STK32C: variants seen among roughly 807,000 people sequenced by gnomAD.
STK32C encodes the protein serine/threonine-protein kinase 32C.
In STK32C, 31 loss-of-function variants were observed where a neutral mutation model predicts 56.5. The ratio of observed to expected loss-of-function variants is 0.55; its 90% confidence interval spans 0.41 to 0.74. The LOEUF is 0.74. Among genes scored for constraint, STK32C ranks in the 30% least tolerant of loss-of-function variants. The pLI is 0.00. For synonymous variants in STK32C, 309 were observed against 289.4 expected (o/e 1.07, Z -0.69); for missense variants, 544 against 676.9 (o/e 0.80, Z 2.18).
chr10:132,316,532 TC>T (rs2066313907), intron 1 of STK32C, among the ~76,000 whole-genome samples: 1 of 152,070 alleles, frequency 6.6e-6, no homozygotes, highest in African/African-American at 2.4e-5. Flanking sequence ...GGCGGGAGGA[TC>T]CCTTGAGACT....
chr10:132,303,319 C>T (rs1033488477), intron 1 of STK32C, among the ~76,000 whole-genome samples: 8 of 152,212 alleles, frequency 5.3e-5, no homozygotes, highest in Admixed American at 2.6e-4. Flanking sequence ...ACCACAGAAG[C>T]GCTAGAAGAA....
chr10:132,222,796 C>A, intron 9 of STK32C, 24 bp from the exon 10 acceptor site: 1 of 1,593,406 alleles, frequency 6.3e-7, no homozygotes, highest in Non-Finnish European at 8.5e-7. Context: ...GGTGCTGAGC[C>A]CCGGCCCGTG....
intron 1 of STK32C, among the ~76,000 whole-genome samples, chr10:132,285,777 C>T (rs532827581): frequency 5.0e-4 from 76 of 152,158 alleles, no homozygotes; most frequent in Non-Finnish European, 8.8e-4. Context: ...AGGAACAAAA[C>T]GCAAAACACT....
At chr10:132,319,621 G>A (rs142706999), downstream of STK32C, among the ~76,000 whole-genome samples, 1 of 152,328 alleles carries the variant, frequency 6.6e-6, no homozygotes, top group African/African-American at 2.4e-5. Context: ...GCACCCCATT[G>A]TCCAGGCAAA....
At chr10:132,270,707 T>C (rs72856766) in intron 1 of STK32C, among the ~76,000 whole-genome samples, 6,309 of 152,262 alleles carry the variant, frequency 0.041, 189 homozygotes, top group Non-Finnish European at 0.062. Context: ...TCCCTCCCTC[T>C]GCGTCTGTAA....
chr10:132,221,719 G>A (rs560281874), intron 10 of STK32C, among the ~76,000 whole-genome samples: 29 of 128,818 alleles, frequency 2.3e-4, no homozygotes, highest in African/African-American at 5.9e-4. Context: ...GCACCTGGGC[G>A]AGTGTGAGGG....
upstream of STK32C, among the ~76,000 whole-genome samples, chr10:132,308,843 C>G (rs959134771): frequency 6.6e-6 from 1 of 152,196 alleles, no homozygotes; most frequent in Non-Finnish European, 1.5e-5. Context: ...CGACCTTGCG[C>G]GGAAAGTGCT....
Position 132,274,196 on chromosome 10 carries a change from C to T in STK32C, c.263-28241G>A, listed in dbSNP as rs146559487. ...GCACCATCCACGCTGGGTGTGGCCA[C>T]ACTGGGACTCAGCGGAGAGGCTGGC... On this transcript the variant is annotated intron_variant, in intron 1 of 11. Coordinates refer to ENST00000298630, the MANE Select transcript of STK32C (RefSeq NM_173575.4). Among the ~76,000 whole-genome samples the T allele has an allele frequency of 2.4e-4, 36 of 152,328 alleles. No individual in the cohort carries two copies. In the East Asian group the frequency reaches 6.6e-3, roughly 28 times the overall value.
rs763798810 is a variant in STK32C, at chr10:132,208,133, G to C, written c.1338C>G (p.Asp446Glu). The C allele has an allele frequency of 7.6e-7, 1 of 1,310,620 alleles. No homozygotes were observed. The highest frequency in any genetic ancestry group is 9.8e-7 in the Non-Finnish European group (1 of 1,021,356). 81.2% of individuals were successfully genotyped at this position (1,310,620 alleles called of 1,614,324 possible). ...FNREKLKRSQDLPREPLPAPE... is the reference protein window; with the variant it reads ...FNREKLKRSQELPREPLPAPE... ...GGGCGGGGAGAGGCTCCCTCGGGAG[G>C]TCCTGGCTCCTCTTCAGCCTGGGGT... Residue 446 changes from aspartate to glutamate, a missense_variant, in exon 12 of 12, where the codon GAC becomes GAG. Asp to Glu is a conservative substitution (Grantham distance 45). This residue lies in a region of STK32C where 277 missense variants were observed against 309.3 expected (regional missense o/e 0.90). Coordinates refer to ENST00000298630, the MANE Select transcript of STK32C (RefSeq NM_173575.4).
At chr10:132,291,283 G>A (rs745956565) in intron 1 of STK32C, among the ~76,000 whole-genome samples, 2 of 152,202 alleles carry the variant, frequency 1.3e-5, no homozygotes, top group African/African-American at 4.8e-5. Context: ...TGGGCCCCTG[G>A]ACAGGCCACA....
Position 132,307,592 on chromosome 10 carries a change from ACCGGCCTCCGCGCGGT to A in STK32C, c.226_241del (p.Thr76CysfsTer8), listed in dbSNP as rs1437759954. On this transcript the variant is annotated frameshift_variant, in exon 1 of 12. Coordinates refer to ENST00000298630, the MANE Select transcript of STK32C (RefSeq NM_173575.4). LOFTEE classifies it high-confidence loss of function. The surrounding 1 kb of genome is among the most constrained non-coding windows in gnomAD (Gnocchi z 4.4). ...CTCACCGTCCTCCTTGTCGTCAAAC[ACCGGCCTCCGCGCGGT>A]GGCCGCCGACATGGACGAGCCCATC... 7.1e-7 allele frequency: 1 copy of A among 1,411,936 alleles called. No homozygotes were observed. Among genetic ancestry groups the A allele is most frequent in the Non-Finnish European group, 9.4e-7 (1 of 1,063,930 alleles). 87.5% of individuals were successfully genotyped at this position (1,411,936 alleles called of 1,614,324 possible).
Position 132,293,798 on chromosome 10 carries a change from G to A in STK32C, c.262+13774C>T, listed in dbSNP as rs372367728. ...CTGGGCCACACCAGCCACTGCCTGG[G>A]GAATGGGGGTGGGGACAGCCCCGAG... On this transcript the variant is annotated intron_variant, in intron 1 of 11. Coordinates refer to ENST00000298630, the MANE Select transcript of STK32C (RefSeq NM_173575.4). Among the ~76,000 whole-genome samples, 4 of 152,196 alleles carry A rather than the reference G, an allele frequency of 2.6e-5. No homozygotes were observed. The South Asian group carries it at 6.2e-4, about 24-fold the overall frequency.
At chr10:132,264,558 G>A (rs1173977161) in intron 1 of STK32C, among the ~76,000 whole-genome samples, 1 of 152,214 alleles carries the variant, frequency 6.6e-6, no homozygotes, top group African/African-American at 2.4e-5. Flanking sequence ...GGGAGAGGAG[G>A]GACCCGGGCC....
intron 1 of STK32C, among the ~76,000 whole-genome samples, chr10:132,295,130 GCAAA>G (rs1387661837): frequency 6.6e-6 from 1 of 152,162 alleles, no homozygotes; most frequent in Admixed American, 6.5e-5. Context: ...GTTAAGCTGA[GCAAA>G]CAAAGTGACA....
chr10:132,234,301 T>C lies in STK32C; in HGVS notation c.319-6173A>G, dbSNP rs140944258. Among the ~76,000 whole-genome samples the C allele has an allele frequency of 9.7e-3, 1,473 of 152,312 alleles. 32 individuals carry two copies. The highest frequency in any genetic ancestry group is 0.033 in the African/African-American group (1,383 of 41,568). ...CTGCCGCTGTTTCTCCCTTGTGTCC[T>C]CCTGACACTTCCCGATGCATCCCCG... On this transcript the variant is annotated intron_variant, in intron 2 of 11. Coordinates refer to ENST00000298630, the MANE Select transcript of STK32C (RefSeq NM_173575.4).
At chr10:132,233,341 C>T (rs961977685) in intron 2 of STK32C, among the ~76,000 whole-genome samples, 14 of 152,204 alleles carry the variant, frequency 9.2e-5, no homozygotes, top group African/African-American at 3.1e-4. Context: ...CCTGAGACCC[C>T]CCTGAAGCTG....
chr10:132,238,862 C>T (rs904948565), intron 2 of STK32C, among the ~76,000 whole-genome samples: 1 of 152,092 alleles, frequency 6.6e-6, no homozygotes, highest in African/African-American at 2.4e-5. Context: ...TGCAGGCACA[C>T]ACACGTTCAT....
chr10:132,328,558 G>T (rs2066552090), intron 1 of STK32C, among the ~76,000 whole-genome samples: 1 of 152,144 alleles, frequency 6.6e-6, no homozygotes, highest in South Asian at 2.1e-4. Context: ...GGCAAGAAGG[G>T]GGTATTTTCG....
At chr10:132,331,914 C>T, upstream of STK32C, 1 of 775,922 alleles carries the variant, frequency 1.3e-6, no homozygotes, top group Non-Finnish European at 1.9e-6. Flanking sequence ...AGGCGCACCA[C>T]AACCCCCCCA....
Sources: gnomAD v4.1 joint callset for allele counts (sites outside exome capture counted in the v4.1 genomes callset) on GRCh38, gnomAD v4.1.1 for gene constraint, gnomAD v4.1.1 regional missense constraint, Gnocchi (gnomAD v3.1) non-coding constraint, MANE v1.5 for transcripts, NCBI Gene and HGNC (gene_info 2026-07-23, HGNC 2026-07-21) for gene names.